CDH13: variants seen among roughly 807,000 people sequenced by gnomAD.
CDH13 encodes the protein cadherin 13.
CDH13 carries 24 observed loss-of-function variants against 63.8 expected under a neutral mutation model. That is an observed-to-expected ratio of 0.38 (90% CI 0.27 to 0.53). The LOEUF (loss-of-function observed/expected upper bound fraction) is 0.53, where lower values mean the gene tolerates loss of function less well. Among genes scored for constraint, CDH13 ranks in the 20% least tolerant of loss-of-function variants. The probability of loss-of-function intolerance (pLI) is 0.85; values close to 1 mark genes in which losing one functional copy is unlikely to be tolerated. For synonymous variants in CDH13, 503 were observed against 355.3 expected, an observed-to-expected ratio of 1.42 and a Z score of -4.67; for missense variants, 1,049 against 903.1, an observed-to-expected ratio of 1.16 and a Z score of -2.07.
Position 83,032,024 on chromosome 16 carries a change from T to C in CDH13, c.172T>C (p.Cys58Arg). Residue 58 changes from cysteine (C) to arginine (R), a missense_variant, in exon 3 of 14, where the codon TGT (cysteine) becomes CGT (arginine). Physicochemically the swap from Cys to Arg is radical, Grantham distance 180. Coordinates refer to ENST00000567109, the MANE Select transcript of CDH13 (RefSeq NM_001257.5). Reference protein sequence around the residue: ...QSILNLTFSDCKGNDKLRYEV... With the variant: ...QSILNLTFSDRKGNDKLRYEV... ...TTGTTTCCCAGTGACCTTCAGTGAC[T>C]GTAAGGGAAACGACAAGCTACGCTA... is the stretch of plus-strand genomic sequence containing the variant. 6.3e-7 allele frequency: 1 copy of C among 1,594,162 alleles called. No homozygotes were observed. Among genetic ancestry groups the C allele is most frequent in the Non-Finnish European group, 8.5e-7 (1 of 1,170,160 alleles).
intron 3 of CDH13, among the ~76,000 whole-genome samples, chr16:83,086,099 G>T (rs1339240694): frequency 6.6e-6 from 1 of 152,146 alleles, no homozygotes; most frequent in Non-Finnish European, 1.5e-5. Context: ...ATGAAAAGAT[G>T]GTGGCCTAAG....
intron 11 of CDH13, among the ~76,000 whole-genome samples, chr16:83,761,501 A>G (rs1185250136): frequency 6.6e-6 from 1 of 152,260 alleles, no homozygotes; most frequent in Non-Finnish European, 1.5e-5. Flanking sequence ...ATTTATGGAC[A>G]GAAAAAGGAA....
chr16:83,226,282 A>G lies in CDH13; in HGVS notation c.636+8785A>G, dbSNP rs772942443. Among the ~76,000 whole-genome samples, 3 of 152,200 alleles carry G rather than the reference A, an allele frequency of 2.0e-5. No individual in the cohort carries two copies. In the East Asian group the frequency reaches 5.8e-4, roughly 29 times the overall value. Reference sequence around the variant, plus strand: ...TAAACGACCTTGTGGAGGCAGCTACATACCTGGATTAGACTGCTGAGTTGC... The same window carrying G: ...TAAACGACCTTGTGGAGGCAGCTACGTACCTGGATTAGACTGCTGAGTTGC... On this transcript the variant is annotated intron_variant, in intron 5 of 13. Coordinates refer to ENST00000567109, the MANE Select transcript of CDH13 (RefSeq NM_001257.5).
chr16:82,732,761 C>G (rs1264577646), intron 1 of CDH13, among the ~76,000 whole-genome samples: 3 of 152,108 alleles, frequency 2.0e-5, no homozygotes, highest in Admixed American at 6.5e-5. Context: ...TGGTAAATAG[C>G]TCATGTTTTC....
chr16:82,787,122 C>G (rs16958625), intron 1 of CDH13, among the ~76,000 whole-genome samples: 20,040 of 152,158 alleles, frequency 0.13, 1,398 homozygotes, highest in Non-Finnish European at 0.16. Flanking sequence ...AGTCCATGGT[C>G]TTATTATGTA....
At chr16:83,765,039 C>A (rs1375733797) in intron 11 of CDH13, among the ~76,000 whole-genome samples, 2 of 152,210 alleles carry the variant, frequency 1.3e-5, no homozygotes, top group African/African-American at 2.4e-5. Flanking sequence ...CTTCATGAAG[C>A]CTTCTGATCT....
intron 2 of CDH13, among the ~76,000 whole-genome samples, chr16:83,007,881 T>C (rs960114193): frequency 5.3e-5 from 8 of 152,136 alleles, no homozygotes; most frequent in African/African-American, 1.7e-4. Context: ...CATGCAACTT[T>C]TTCTTTCTTT....
At chr16:82,743,427 C>T (rs1216408582) in intron 1 of CDH13, among the ~76,000 whole-genome samples, 1 of 152,126 alleles carries the variant, frequency 6.6e-6, no homozygotes, top group Non-Finnish European at 1.5e-5. Flanking sequence ...CAGGGTCTCA[C>T]CGTATTGCCC....
At chr16:82,769,979 T>C (rs2035200927) in intron 1 of CDH13, among the ~76,000 whole-genome samples, 1 of 152,228 alleles carries the variant, frequency 6.6e-6, no homozygotes. Flanking sequence ...TCAATAAGCA[T>C]AGAGTTCTAG....
At chr16:83,314,615 A>C (rs906778922) in intron 5 of CDH13, among the ~76,000 whole-genome samples, 4 of 152,204 alleles carry the variant, frequency 2.6e-5, no homozygotes, top group African/African-American at 7.2e-5. Context: ...CCACAACTTC[A>C]TATGGGGCTC....
rs935106648 is a variant in CDH13, at chr16:83,009,205, A to T, written c.158-22805A>T. ...AGAATGAATGACTGAATGACACTTAATTGGGTCTTTTGATATTAGCATCCA... is the reference window on the plus strand; with the variant it reads ...AGAATGAATGACTGAATGACACTTATTTGGGTCTTTTGATATTAGCATCCA... On this transcript the variant is annotated intron_variant, in intron 2 of 13. Transcript: ENST00000567109. 6.6e-5 allele frequency among the ~76,000 whole-genome samples: 10 copies of T among 152,178 alleles called. 1 individual carries two copies. The highest frequency in any genetic ancestry group is 6.5e-4 in the Admixed American group (10 of 15,278).
intron 1 of CDH13, among the ~76,000 whole-genome samples, chr16:82,658,642 C>T (rs1281903253): frequency 6.6e-6 from 1 of 152,166 alleles, no homozygotes; most frequent in African/African-American, 2.4e-5. Context: ...TAGTACTGAT[C>T]TCCAAGGGTG....
intron 2 of CDH13, among the ~76,000 whole-genome samples, chr16:82,911,819 C>G (rs913472498): frequency 6.6e-6 from 1 of 152,092 alleles, no homozygotes; most frequent in Non-Finnish European, 1.5e-5. Flanking sequence ...CTTTTACCAC[C>G]AAATTCCCCA....
chr16:83,030,566 C>G (rs1016366303), intron 2 of CDH13, among the ~76,000 whole-genome samples: 3 of 147,460 alleles, frequency 2.0e-5, no homozygotes, highest in African/African-American at 7.6e-5. Flanking sequence ...TCACTGGAAC[C>G]CGGGAGGCAG....
At chr16:83,045,225 A>T (rs1031555304) in intron 3 of CDH13, among the ~76,000 whole-genome samples, 7 of 152,236 alleles carry the variant, frequency 4.6e-5, no homozygotes, top group African/African-American at 1.4e-4. Context: ...GCAAGTAGAC[A>T]AGTCCTGTGT....
At chr16:82,870,394 C>T (rs889011382) in intron 2 of CDH13, among the ~76,000 whole-genome samples, 2 of 152,000 alleles carry the variant, frequency 1.3e-5, no homozygotes, top group Non-Finnish European at 2.9e-5. Context: ...AGCCACTATG[C>T]AGAACACTAT....
intron 1 of CDH13, among the ~76,000 whole-genome samples, chr16:82,661,221 A>G (rs1048166824): frequency 6.6e-6 from 1 of 152,202 alleles, no homozygotes; most frequent in East Asian, 1.9e-4. Flanking sequence ...TCCCCTCACC[A>G]TGTTGTAATG....
At chr16:83,431,761 A>G (rs2151483723) in intron 6 of CDH13, among the ~76,000 whole-genome samples, 1 of 152,188 alleles carries the variant, frequency 6.6e-6, no homozygotes, top group African/African-American at 2.4e-5. Flanking sequence ...GATAGCACCA[A>G]GGGGATGGCA....
chr16:82,715,822 C>A (rs1713103393), intron 1 of CDH13, among the ~76,000 whole-genome samples: 1 of 152,174 alleles, frequency 6.6e-6, no homozygotes, highest in African/African-American at 2.4e-5. Flanking sequence ...CTCATTCCTA[C>A]CTGCCTTTTT....
Sources: gnomAD v4.1 joint callset for allele counts (sites outside exome capture counted in the v4.1 genomes callset) on GRCh38, gnomAD v4.1.1 for gene constraint, MANE v1.5 for transcripts, NCBI Gene and HGNC (gene_info 2026-07-23, HGNC 2026-07-21) for gene names.